DPP6: variants seen among roughly 807,000 people sequenced by gnomAD.
The protein encoded by DPP6 is A-type potassium channel modulatory protein DPP6.
DPP6 carries 69 observed loss-of-function variants against 122.6 expected under a neutral mutation model. The observed-to-expected ratio is 0.56, with a 90% CI of 0.46 to 0.69. The LOEUF (loss-of-function observed/expected upper bound fraction) is 0.69, where lower values mean the gene tolerates loss of function less well. Ranked by LOEUF, DPP6 falls within the 30% of genes least tolerant of loss-of-function variation. The probability of loss-of-function intolerance (pLI) is 0.00; values close to 1 mark genes in which losing one functional copy is unlikely to be tolerated. For missense variants in DPP6, 928 were observed against 1,116.9 expected, an observed-to-expected ratio of 0.83 and a Z score of 2.41; for synonymous variants, 418 against 433.1, an observed-to-expected ratio of 0.97 and a Z score of 0.43.
the DPP6 span, among the ~76,000 whole-genome samples, chr7:153,844,294 A>G: frequency 6.6e-6 from 1 of 152,218 alleles, no homozygotes; most frequent in Admixed American, 6.5e-5. Context: ...ATTTAAATGA[A>G]CCATAGCAAT....
chr7:153,887,761 T>C (rs759911333), intron 1 of DPP6: 2 of 1,609,742 alleles, frequency 1.2e-6, no homozygotes, highest in Non-Finnish European at 1.7e-6. Context: ...GGGCGCGCGC[T>C]GGGTCGGGGG....
chr7:154,718,242 C>T (rs1280860976), intron 7 of DPP6, among the ~76,000 whole-genome samples: 1 of 152,054 alleles, frequency 6.6e-6, no homozygotes, highest in Non-Finnish European at 1.5e-5. Context: ...CTGTGTGAAG[C>T]TTTTTAGTTT....
At chr7:154,057,303 C>T (rs1800916807) in intron 1 of DPP6, 2 of 151,504 alleles carry the variant, frequency 1.3e-5, no homozygotes, top group Non-Finnish European at 2.9e-5. Flanking sequence ...CCCCTCTTCC[C>T]CCTCTGGCTC....
At chr7:154,808,751 AGAC>A (rs1798852065) in intron 16 of DPP6, among the ~76,000 whole-genome samples, 1 of 152,236 alleles carries the variant, frequency 6.6e-6, no homozygotes, top group African/African-American at 2.4e-5. Context: ...TGTGGCAAGC[AGAC>A]CCACTAGGAG....
At chr7:154,305,989 C>T (rs779332500) in intron 1 of DPP6, among the ~76,000 whole-genome samples, 2 of 152,168 alleles carry the variant, frequency 1.3e-5, no homozygotes, top group African/African-American at 2.4e-5. Flanking sequence ...GACCCTCCAA[C>T]AGGACTTTGC....
At chr7:153,820,642 C>T in the DPP6 span, among the ~76,000 whole-genome samples, 37 of 152,064 alleles carry the variant, frequency 2.4e-4, no homozygotes, top group African/African-American at 8.2e-4. Context: ...AACGTAGTCA[C>T]ATAGCAAAGG....
intron 10 of DPP6, among the ~76,000 whole-genome samples, chr7:154,783,392 C>T (rs1281915407): frequency 6.6e-6 from 1 of 152,134 alleles, no homozygotes; most frequent in Non-Finnish European, 1.5e-5. Flanking sequence ...CATGGTGGTG[C>T]CAATGATGTC....
At chr7:154,513,295 C>T (rs1826225995) in intron 3 of DPP6, among the ~76,000 whole-genome samples, 1 of 152,224 alleles carries the variant, frequency 6.6e-6, no homozygotes, top group South Asian at 2.1e-4. Context: ...ACCAACCTCA[C>T]AGTCCCAGAC....
intron 1 of DPP6, among the ~76,000 whole-genome samples, chr7:154,046,011 T>A (rs1800002002): frequency 6.6e-6 from 1 of 152,056 alleles, no homozygotes; most frequent in African/African-American, 2.4e-5. Context: ...TAACCAATTA[T>A]CCTCAGTGAC....
At chr7:153,977,577 C>CT (rs1452557731) in intron 1 of DPP6, among the ~76,000 whole-genome samples, 3 of 152,198 alleles carry the variant, frequency 2.0e-5, no homozygotes, top group South Asian at 2.1e-4. Context: ...TTTTATTATA[C>CT]TTTAAGTTCT....
intron 1 of DPP6, among the ~76,000 whole-genome samples, chr7:154,414,864 ATCTGAAGC>A (rs770519179): frequency 1.3e-5 from 2 of 152,158 alleles, no homozygotes; most frequent in Non-Finnish European, 2.9e-5. Flanking sequence ...ACGAGTCCAA[ATCTGAAGC>A]TCTGGTGGCT....
chr7:154,628,578 A>G (rs919778239), intron 5 of DPP6, among the ~76,000 whole-genome samples: 7 of 152,170 alleles, frequency 4.6e-5, no homozygotes, highest in Non-Finnish European at 7.3e-5. Context: ...ATAGGACAAC[A>G]TGTCTTCCCA....
chr7:154,242,932 C>T (rs530646003), intron 1 of DPP6, among the ~76,000 whole-genome samples: 61 of 152,334 alleles, frequency 4.0e-4, no homozygotes, highest in African/African-American at 1.4e-3. Context: ...GGAGCTCCAG[C>T]TCAGCCAGAA....
chr7:154,317,873 C>G (rs1039039890), intron 1 of DPP6, among the ~76,000 whole-genome samples: 1 of 152,022 alleles, frequency 6.6e-6, no homozygotes. Flanking sequence ...ATAAAAACAC[C>G]AAAGAAGATC....
At chr7:154,677,057 A>G (rs1224064284) in intron 7 of DPP6, among the ~76,000 whole-genome samples, 1 of 152,192 alleles carries the variant, frequency 6.6e-6, no homozygotes, top group African/African-American at 2.4e-5. Context: ...GGGCTGCTTA[A>G]ATTCTCCTCA....
At chr7:154,462,175 A>T (rs1821355801) in intron 2 of DPP6, among the ~76,000 whole-genome samples, 1 of 152,130 alleles carries the variant, frequency 6.6e-6, no homozygotes, top group Non-Finnish European at 1.5e-5. Flanking sequence ...CACTGTAGGT[A>T]TATGGATTTG....
chr7:154,074,550 T>G (rs947205837), intron 1 of DPP6, among the ~76,000 whole-genome samples: 5 of 152,234 alleles, frequency 3.3e-5, no homozygotes, highest in African/African-American at 1.2e-4. Context: ...TAAACAACTT[T>G]CCAATATAAA....
chr7:153,996,535 A>ATCTTC (rs1563085601), intron 1 of DPP6, among the ~76,000 whole-genome samples: 1 of 151,496 alleles, frequency 6.6e-6, no homozygotes, highest in Non-Finnish European at 1.5e-5. Context: ...GGAATAAGCA[A>ATCTTC]TCTTCTTCTG....
At chr7:153,749,993 T>C in the DPP6 span, among the ~76,000 whole-genome samples, 1 of 152,248 alleles carries the variant, frequency 6.6e-6, no homozygotes, top group African/African-American at 2.4e-5. This position sits in a 1 kb window ranked among gnomAD's most constrained non-coding sequence, Gnocchi z 4.1. Context: ...TATATGTTTA[T>C]TAGCTCTTAT....
Sources: allele counts gnomAD v4.1 joint callset (sites outside exome capture counted in the v4.1 genomes callset), GRCh38; gene constraint gnomAD v4.1.1; non-coding constraint Gnocchi (gnomAD v3.1); transcripts MANE v1.5; gene names NCBI Gene and HGNC (gene_info 2026-07-23, HGNC 2026-07-21).